HFM1: variants seen among roughly 807,000 people sequenced by gnomAD.
HFM1 encodes the protein probable ATP-dependent DNA helicase HFM1.
In HFM1, 169 loss-of-function variants were observed where a neutral mutation model predicts 192.1. That is an observed-to-expected ratio of 0.88 (90% CI 0.78 to 1.00). The LOEUF is 1.00. HFM1 is among the 50% of genes least tolerant of loss of function. The pLI is 0.00. For synonymous variants in HFM1, 525 were observed against 537.8 expected (o/e 0.98, Z 0.33); for missense variants, 1,661 against 1,668.0 (o/e 1.00, Z 0.07).
At chr1:91,386,078 T>G (rs1488373528) in intron 4 of HFM1, among the ~76,000 whole-genome samples, 1 of 152,214 alleles carries the variant, frequency 6.6e-6, no homozygotes, top group Non-Finnish European at 1.5e-5. Flanking sequence ...CAATGATCCT[T>G]GCCTGCTCCT....
At chr1:91,308,678 C>T (rs569841647) in intron 30 of HFM1, among the ~76,000 whole-genome samples, 1 of 152,240 alleles carries the variant, frequency 6.6e-6, no homozygotes, top group East Asian at 1.9e-4. Flanking sequence ...TCTAGGACTA[C>T]CAGTGTGTGT....
intron 20 of HFM1, among the ~76,000 whole-genome samples, chr1:91,341,742 T>C (rs1036581294): frequency 4.7e-5 from 7 of 147,438 alleles, no homozygotes; most frequent in Non-Finnish European, 7.5e-5. Context: ...CAATCAGAAA[T>C]GACAAAGAAG....
At chr1:91,267,906 G>A in intron 34 of HFM1, 51 bp from the exon 35 acceptor site, 1 of 943,320 alleles carries the variant, frequency 1.1e-6, no homozygotes, top group Non-Finnish European at 1.6e-6. Context: ...TTGGTTTCCA[G>A]ATATATTAAG....
At chr1:91,279,487 C>A (rs1291612314) in intron 30 of HFM1, among the ~76,000 whole-genome samples, 4 of 152,184 alleles carry the variant, frequency 2.6e-5, no homozygotes, top group African/African-American at 9.7e-5. Flanking sequence ...CAATGCTGAT[C>A]AGACCAATTT....
chr1:91,282,982 A>T (rs556848327), intron 30 of HFM1, among the ~76,000 whole-genome samples: 1 of 152,276 alleles, frequency 6.6e-6, no homozygotes, highest in African/African-American at 2.4e-5. Flanking sequence ...AAAAATTTCA[A>T]GGCAAAGTTG....
In HFM1 at chr1:91,262,351, C is replaced by T; in HGVS notation, c.4128G>A (p.Glu1376=). The part of the protein sequence containing the change: ...QERKPQNLSP[E]IEKQCFTFSE... ...AGAAAGTAAAGCATTGCTTCTCAATCTCTGGTGACAGATTTTGTGGTTTTC... is the reference window on the plus strand; with the variant it reads ...AGAAAGTAAAGCATTGCTTCTCAATTTCTGGTGACAGATTTTGTGGTTTTC... Residue 1376 remains glutamate (E), a synonymous_variant, in exon 38 of 39, where the codon GAG becomes GAA. Coordinates refer to ENST00000370425, the MANE Select transcript of HFM1 (RefSeq NM_001017975.6). 1 of 1,576,362 alleles carries T rather than the reference C, an allele frequency of 6.3e-7. No individual in the cohort carries two copies. The highest frequency in any genetic ancestry group is 2.3e-5 in the East Asian group (1 of 44,248).
chr1:91,318,996 C>T, intron 25 of HFM1, 82 bp downstream of exon 25: 7 of 1,331,304 alleles, frequency 5.3e-6, no homozygotes, highest in Non-Finnish European at 6.2e-6. Flanking sequence ...GGTCTGTAAT[C>T]ATCACAGAAT....
upstream of HFM1, among the ~76,000 whole-genome samples, chr1:91,405,841 T>G (rs767751936): frequency 3.3e-4 from 50 of 152,348 alleles, no homozygotes; most frequent in Non-Finnish European, 6.5e-4. Context: ...GAAAATAACA[T>G]TTTGACTGCA....
At chr1:91,328,282 A>C in intron 20 of HFM1, 1 of 911,448 alleles carries the variant, frequency 1.1e-6, no homozygotes, top group African/African-American at 1.7e-5. Flanking sequence ...TGAGGGGGGA[A>C]AGTGGGCTTA....
intron 3 of HFM1, among the ~76,000 whole-genome samples, chr1:91,395,578 A>G (rs1663558822): frequency 6.6e-6 from 1 of 151,848 alleles, no homozygotes; most frequent in African/African-American, 2.4e-5. Context: ...ACAGACTCCC[A>G]AGTAGCTGGG....
At chr1:91,317,175 G>A (rs1651367828) in intron 25 of HFM1, among the ~76,000 whole-genome samples, 1 of 152,022 alleles carries the variant, frequency 6.6e-6, no homozygotes, top group Non-Finnish European at 1.5e-5. Flanking sequence ...AGCACTTTAG[G>A]AGGCCAAGGC....
At chr1:91,390,982 G>C (rs1449788116) in intron 4 of HFM1, among the ~76,000 whole-genome samples, 1 of 152,138 alleles carries the variant, frequency 6.6e-6, no homozygotes, top group African/African-American at 2.4e-5. Context: ...GCCAAATCAT[G>C]AGTGAACTCC....
chr1:91,393,737 A>C (rs1663286388), intron 4 of HFM1, among the ~76,000 whole-genome samples: 1 of 150,282 alleles, frequency 6.7e-6, no homozygotes, highest in Non-Finnish European at 1.5e-5. Flanking sequence ...ATGAACTCTT[A>C]AAGAAAAGAA....
Position 91,273,767 on chromosome 1 carries a change from A to T in HFM1, c.3717T>A (p.Asp1239Glu), listed in dbSNP as rs1666538839. The change falls in exon 34 of 39, where the codon GAT becomes GAA. Residue 1239 changes from aspartate (D) to glutamate (E), a missense_variant. By Grantham distance (45) the Asp-to-Glu change is conservative (BLOSUM62 2). Transcript: ENST00000370425. ...TAACTTTTCCATAGATTTCAGGCTG[A>T]TCCCACTGCTCCATTATAGGCAATT... ...ISELPIMEQW[D>E]QPEIYGKVRQ... The T allele has an allele frequency of 1.2e-6, 2 of 1,603,740 alleles. No homozygotes were observed. The highest frequency in any genetic ancestry group is 2.7e-5 in the African/African-American group (2 of 74,722).
At chr1:91,299,094 A>T (rs1648216633) in intron 30 of HFM1, among the ~76,000 whole-genome samples, 1 of 152,206 alleles carries the variant, frequency 6.6e-6, no homozygotes, top group African/African-American at 2.4e-5. Context: ...ATGGAGGAAG[A>T]TCTACCAAGC....
chr1:91,347,050 A>G (rs891669239), intron 19 of HFM1, among the ~76,000 whole-genome samples: 6 of 152,254 alleles, frequency 3.9e-5, no homozygotes, highest in Admixed American at 2.0e-4. Context: ...TCAAGGTTAC[A>G]ATGAGCTATG....
rs940008906 is a variant in HFM1 at position 91,381,396 on chromosome 1, G to A, written c.803-414C>T. On this transcript the variant is annotated intron_variant, in intron 6 of 38. Coordinates refer to ENST00000370425, the MANE Select transcript of HFM1 (RefSeq NM_001017975.6). ...GAATTTCACTCAACTATTTCATTAA[G>A]CATTGATTGTACTTCATTAGCTGAT... 5.9e-5 allele frequency among the ~76,000 whole-genome samples: 9 copies of A among 152,144 alleles called. No individual in the cohort carries two copies. The East Asian group carries it at 1.3e-3, about 23-fold the overall frequency.
chr1:91,354,130 A>T (rs536984355), intron 13 of HFM1, among the ~76,000 whole-genome samples: 1 of 151,774 alleles, frequency 6.6e-6, no homozygotes, highest in African/African-American at 2.4e-5. Context: ...CATTATCTGC[A>T]CAAGAAAGTT....
intron 11 of HFM1, among the ~76,000 whole-genome samples, chr1:91,376,541 G>A (rs1660930776): frequency 6.6e-6 from 1 of 151,696 alleles, no homozygotes; most frequent in African/African-American, 2.4e-5. Context: ...GAATTAGACA[G>A]TACTAGTACA....
Sources: gnomAD v4.1 joint callset for allele counts (sites outside exome capture counted in the v4.1 genomes callset) on GRCh38, gnomAD v4.1.1 for gene constraint, MANE v1.5 for transcripts, NCBI Gene and HGNC (gene_info 2026-07-23, HGNC 2026-07-21) for gene names.